The following SLC27A3 variants were observed in gnomAD, a reference collection of about 807,000 sequenced individuals.
SLC27A3 encodes the protein solute carrier family 27 member 3.
Under a neutral mutation model 60.1 loss-of-function variants are expected in SLC27A3, and 60 were observed. The ratio of observed to expected loss-of-function variants is 1.00; its 90% confidence interval spans 0.81 to 1.24. SLC27A3 has a LOEUF of 1.24. SLC27A3 is among the 50% of genes most tolerant of loss of function. The pLI, the probability that SLC27A3 is intolerant of heterozygous loss-of-function variation, is 0.00. For missense variants in SLC27A3, 1,079 were observed against 929.9 expected (o/e 1.16, Z -2.09); for synonymous variants, 455 against 409.0 (o/e 1.11, Z -1.36).
chr1:153,776,227 C>A (rs1056650804), intron 1 of SLC27A3, 63 bp downstream of exon 1: 30 of 1,405,560 alleles, frequency 2.1e-5, no homozygotes, highest in Admixed American at 3.4e-5. Flanking sequence ...GTGTCGGAGA[C>A]CACAGAAAGG....
Position 153,776,156 on chromosome 1 carries a change from T to C in SLC27A3, c.659T>C (p.Leu220Pro). Residue 220 changes from leucine (L) to proline (P), a missense_variant, in exon 1 of 10, where the codon CTG becomes CCG. Leu to Pro is a moderately conservative substitution (Grantham distance 98). Transcript: ENST00000624995. The stretch of plus-strand genomic sequence containing the variant: ...AGCTGCGGCGCGCGCGCGCTGGTGC[T>C]GGCGCCAGGTAAGGCTGGAGCTCCG... ...LRSCGARALV[L>P]APEFLESLEP... 2 of 1,420,038 alleles carry C rather than the reference T, an allele frequency of 1.4e-6. No homozygotes were observed. The highest frequency in any genetic ancestry group is 1.8e-6 in the Non-Finnish European group (2 of 1,099,820). 88.0% of individuals were successfully genotyped at this position (1,420,038 alleles called of 1,614,324 possible). A position where few individuals can be genotyped will look rare whatever the true frequency, so the allele number is the denominator to read the frequency against.
intron 8 of SLC27A3, 63 bp from the exon 9 acceptor site, chr1:153,779,280 G>A (rs1673402605): frequency 1.2e-6 from 2 of 1,613,892 alleles, no homozygotes; most frequent in Non-Finnish European, 1.7e-6. Flanking sequence ...TGGGCGCAGG[G>A]AGCACGAGGC....
In SLC27A3 at chr1:153,777,827, G is replaced by A; in HGVS notation, c.1103G>A (p.Arg368Lys). 6.2e-7 allele frequency: 1 copy of A among 1,614,266 alleles called. No homozygotes were observed. The highest frequency in any genetic ancestry group is 8.5e-7 in the Non-Finnish European group (1 of 1,180,042). The stretch of plus-strand genomic sequence containing the variant: ...TTCTGGGAAGATTGCCAGCAGCACA[G>A]GGTGACGGTGTTCCAGTACATTGGG... ...GQFWEDCQQH[R>K]VTVFQYIGEL... The change falls in exon 4 of 10, where the codon AGG (arginine) becomes AAG (lysine). Residue 368 changes from arginine to lysine, a missense_variant. Arg to Lys is a conservative substitution (Grantham distance 26). Coordinates refer to ENST00000624995, the MANE Select transcript of SLC27A3 (RefSeq NM_024330.4).
chr1:153,778,536 G>C lies in SLC27A3; in HGVS notation c.1430G>C (p.Cys477Ser), dbSNP rs756909719. 2 of 1,614,150 alleles carry C rather than the reference G, an allele frequency of 1.2e-6. No homozygotes were observed. The highest frequency in any genetic ancestry group is 1.7e-5 in the Admixed American group (1 of 60,026). ...CCAATTCGGGACCCCCAGGGGCACT[G>C]TATGGCCACATCTCCAGGTTGGTGG... ...GEPIRDPQGH[C>S]MATSPGEPGL... Residue 477 changes from cysteine to serine, a missense_variant, in exon 6 of 10, where the codon TGT becomes TCT. Physicochemically the swap from Cys to Ser is moderately radical, Grantham distance 112. Coordinates refer to ENST00000624995, the MANE Select transcript of SLC27A3 (RefSeq NM_024330.4).
chr1:153,776,740 C>G lies in SLC27A3; in HGVS notation c.877+13C>G, dbSNP rs760558445. 1.9e-6 allele frequency: 3 copies of G among 1,613,492 alleles called. No individual in the cohort carries two copies. The highest frequency in any genetic ancestry group is 2.5e-6 in the Non-Finnish European group (3 of 1,179,548). On this transcript the variant is annotated intron_variant, in intron 2 of 9. Coordinates refer to ENST00000624995, the MANE Select transcript of SLC27A3 (RefSeq NM_024330.4). ...TCTGGCACCACGGGTGAGGGCCGGG[C>G]ACCATACTTAGCTCCCCGAAACCAA...
intron 3 of SLC27A3, 162 bp from the exon 4 acceptor site, chr1:153,777,598 AG>A (rs1453288870): frequency 1.2e-5 from 10 of 863,100 alleles, no homozygotes; most frequent in Admixed American, 2.2e-5. Flanking sequence ...GGGCCGGGGG[AG>A]GGGAAAGAGG....
intron 2 of SLC27A3, 97 bp from the exon 3 acceptor site, chr1:153,776,965 C>T (rs565407836): frequency 8.0e-5 from 110 of 1,368,740 alleles, no homozygotes; most frequent in African/African-American, 1.1e-4. Context: ...GTCCTGCCTC[C>T]GCCTCTTTCT....
Position 153,777,075 on chromosome 1 carries a change from T to A in SLC27A3, c.891T>A (p.Ala297=). Residue 297 remains alanine (A), a synonymous_variant, in exon 3 of 10, where the codon GCT becomes GCA. Transcript: ENST00000624995. ...FTSGTTGLPK[A]ARISHLKILQ... is the part of the protein sequence containing the mutation. ...GCCACCCCACAGGCCTCCCCAAGGCTGCTCGGATCAGTCATCTGAAGATCC... is the reference window on the plus strand; with the variant it reads ...GCCACCCCACAGGCCTCCCCAAGGCAGCTCGGATCAGTCATCTGAAGATCC... 1 of 1,614,244 alleles carries A rather than the reference T, an allele frequency of 6.2e-7. No individual in the cohort carries two copies.
chr1:153,776,387 C>T, intron 1 of SLC27A3, 131 bp from the exon 2 acceptor site: 1 of 1,289,372 alleles, frequency 7.8e-7, no homozygotes. Context: ...AGGCCTCAGA[C>T]CCAAGATGGA....
chr1:153,779,007 A>C, intron 7 of SLC27A3, 107 bp from the exon 8 acceptor site: 3 of 1,459,772 alleles, frequency 2.1e-6, no homozygotes, highest in Non-Finnish European at 2.9e-6. Flanking sequence ...TCATTCTCAG[A>C]TCTCACCATT....
rs371171645 is a variant in SLC27A3, at chr1:153,775,688, G to A, written c.191G>A (p.Gly64Asp). The change falls in exon 1 of 10, where the codon GGC (glycine) becomes GAC (aspartate). Residue 64 changes from glycine (G) to aspartate (D), a missense_variant. By Grantham distance (94) the Gly-to-Asp change is moderately conservative. Transcript: ENST00000624995. The stretch of plus-strand genomic sequence containing the variant: ...GCCGACCCGGAAGGTCCCGAGGGGG[G>A]CTGCAGCCTGGCCTGGCGCCTCGCG... Reference protein sequence around the residue: ...AAADPEGPEGGCSLAWRLAEL... With the variant: ...AAADPEGPEGDCSLAWRLAEL... The A allele has an allele frequency of 2.6e-6, 4 of 1,529,448 alleles. No individual in the cohort carries two copies. The highest frequency in any genetic ancestry group is 2.3e-5 in the East Asian group (1 of 43,420). The allele number at this position is 1,529,448 out of a possible 1,614,324, so 94.7% of individuals were successfully genotyped here.
Position 153,780,080 on chromosome 1 carries a change from A to G in SLC27A3, c.*78A>G. On this transcript the variant is annotated 3_prime_UTR_variant, in exon 10 of 10. Coordinates refer to ENST00000624995, the MANE Select transcript of SLC27A3 (RefSeq NM_024330.4). Reference sequence around the variant, plus strand: ...TTGCAGGTGTACTGGGCTGTCAGGGATCTTTTCTATACCAGAACTGCGGTC... The same window carrying G: ...TTGCAGGTGTACTGGGCTGTCAGGGGTCTTTTCTATACCAGAACTGCGGTC... The G allele has an allele frequency of 7.6e-7, 1 of 1,310,412 alleles. No individual in the cohort carries two copies. The highest frequency in any genetic ancestry group is 2.5e-5 in the East Asian group (1 of 39,700). 81.2% of individuals were successfully genotyped at this position (1,310,412 alleles called of 1,614,324 possible). A position where few individuals can be genotyped will look rare whatever the true frequency, so the allele number is the denominator to read the frequency against.
Position 153,778,875 on chromosome 1 carries a change from G to A in SLC27A3, c.1636G>A (p.Asp546Asn). The A allele has an allele frequency of 6.2e-6, 10 of 1,614,106 alleles. No homozygotes were observed. Among genetic ancestry groups the A allele is most frequent in the Non-Finnish European group, 6.8e-6 (8 of 1,179,944 alleles). ...TCTCCGCTTCCATGATCGTACTGGA[G>A]ACACCTTCAGGTATCTGTCCATAAC... ...GFLRFHDRTG[D>N]TFRWKGENVA... is the part of the protein sequence containing the mutation. Residue 546 changes from aspartate (D) to asparagine (N), a missense_variant, in exon 7 of 10, where the codon GAC (aspartate) becomes AAC (asparagine). Asp to Asn is a conservative substitution (Grantham distance 23). Coordinates refer to ENST00000624995, the MANE Select transcript of SLC27A3 (RefSeq NM_024330.4).
chr1:153,780,093 C>G lies in SLC27A3; in HGVS notation c.*91C>G. 1 of 1,149,000 alleles carries G rather than the reference C, an allele frequency of 8.7e-7. No individual in the cohort carries two copies. Among genetic ancestry groups the G allele is most frequent in the Non-Finnish European group, 1.2e-6 (1 of 812,322 alleles). The allele number at this position is 1,149,000 out of a possible 1,614,324, so 71.2% of individuals were successfully genotyped here. ...GGGCTGTCAGGGATCTTTTCTATAC[C>G]AGAACTGCGGTCACTATTTTGTAAT... On this transcript the variant is annotated 3_prime_UTR_variant, in exon 10 of 10. Transcript: ENST00000624995.
At position 153,779,890 on chromosome 1, in the gene SLC27A3, A is replaced by G. The variant is rs1673448564; in HGVS notation, c.1940A>G (p.Asp647Gly). Residue 647 changes from aspartate (D) to glycine (G), a missense_variant, in exon 10 of 10, where the codon GAC becomes GGC. Physicochemically the swap from Asp to Gly is moderately conservative, Grantham distance 94. Transcript: ENST00000624995. ...GTTCGGATGGCAAATGAGGGCTTCG[A>G]CCCCAGCACCCTGTCTGACCCACTG... ...QKVRMANEGF[D>G]PSTLSDPLYV... 1 of 1,613,454 alleles carries G rather than the reference A, an allele frequency of 6.2e-7. No homozygotes were observed. The highest frequency in any genetic ancestry group is 8.5e-7 in the Non-Finnish European group (1 of 1,179,890).
Position 153,778,274 on chromosome 1 carries a change from T to C in SLC27A3, c.1275T>C (p.Tyr425=), listed in dbSNP as rs139337136. 2.8e-5 allele frequency: 46 copies of C among 1,614,048 alleles called. No homozygotes were observed. The highest frequency in any genetic ancestry group is 3.6e-5 in the Non-Finnish European group (42 of 1,180,022). Residue 425 remains tyrosine (Y), a synonymous_variant, in exon 5 of 10, where the codon TAT becomes TAC. Transcript: ENST00000624995. ...RFGPLQVLET[Y]GLTEGNVATI... ...GGCCCCTGCAGGTGCTGGAGACATA[T>C]GGACTGACAGAGGGCAACGTGGCCA...
Position 153,777,789 on chromosome 1 carries a change from C to A in SLC27A3, c.1065C>A (p.Phe355Leu), listed in dbSNP as rs748521231. 3 of 1,614,248 alleles carry A rather than the reference C, an allele frequency of 1.9e-6. No individual in the cohort carries two copies. Among genetic ancestry groups the A allele is most frequent in the East Asian group, 4.5e-5 (2 of 44,886 alleles). Residue 355 changes from phenylalanine (F) to leucine (L), a missense_variant, in exon 4 of 10, where the codon TTC becomes TTA. By Grantham distance (22) the Phe-to-Leu change is conservative. Transcript: ENST00000624995. ...CCACAGTGGTGCTGAAATCCAAGTTCTCGGCTGGTCAGTTCTGGGAAGATT... is the reference window on the plus strand; with the variant it reads ...CCACAGTGGTGCTGAAATCCAAGTTATCGGCTGGTCAGTTCTGGGAAGATT... Reference protein sequence around the residue: ...IGATVVLKSKFSAGQFWEDCQ... With the variant: ...IGATVVLKSKLSAGQFWEDCQ...
chr1:153,778,104 C>A, intron 4 of SLC27A3, 57 bp from the exon 5 acceptor site: 2 of 1,555,518 alleles, frequency 1.3e-6, no homozygotes, highest in Non-Finnish European at 8.7e-7. Flanking sequence ...CAGGAATTCA[C>A]TTCCGGGAGC....
chr1:153,776,331 A>AG, intron 1 of SLC27A3, 167 bp downstream of exon 1: 1 of 1,389,490 alleles, frequency 7.2e-7, no homozygotes, highest in East Asian at 2.5e-5. Flanking sequence ...AGAAGGGATG[A>AG]GGCTGAATCT....
Sources: gnomAD v4.1 joint callset for allele counts on GRCh38, gnomAD v4.1.1 for gene constraint, MANE v1.5 for transcripts, NCBI Gene and HGNC (gene_info 2026-07-23, HGNC 2026-07-21) for gene names.